The following SCLT1 variants were observed in gnomAD, a reference collection of about 807,000 sequenced individuals.
SCLT1 encodes the protein sodium channel and clathrin linker 1, also known as sodium channel-associated protein 1.
In SCLT1, 78 loss-of-function variants were observed where a neutral mutation model predicts 112.8. The observed-to-expected ratio is 0.69, with a 90% CI of 0.58 to 0.83. The LOEUF (loss-of-function observed/expected upper bound fraction) is 0.83, where lower values mean the gene tolerates loss of function less well. Among genes scored for constraint, SCLT1 ranks in the 40% least tolerant of loss-of-function variants. SCLT1 has a pLI of 0.00. For synonymous variants in SCLT1, 257 were observed against 254.7 expected, an observed-to-expected ratio of 1.01 and a Z score of -0.09; for missense variants, 747 against 770.4, an observed-to-expected ratio of 0.97 and a Z score of 0.36.
chr4:128,959,826 G>C, intron 11 of SCLT1, 49 bp from the exon 12 acceptor site: 1 of 1,451,744 alleles, frequency 6.9e-7, no homozygotes, highest in Non-Finnish European at 9.6e-7. Context: ...TTAAAGGGAA[G>C]GAGGGAGATT....
At chr4:129,043,323 A>G in intron 4 of SCLT1, 72 bp downstream of exon 4, 1 of 788,612 alleles carries the variant, frequency 1.3e-6, no homozygotes, top group Non-Finnish European at 2.1e-6. Flanking sequence ...TCTTTTTAAA[A>G]AGAGGGAGTC....
intron 18 of SCLT1, among the ~76,000 whole-genome samples, chr4:128,896,814 C>A (rs551672294): frequency 2.0e-5 from 3 of 152,228 alleles, no homozygotes; most frequent in South Asian, 4.2e-4. Context: ...ATAACGAATG[C>A]AGAGAAGTCC....
At chr4:129,001,409 A>C (rs1743472227) in intron 6 of SCLT1, among the ~76,000 whole-genome samples, 1 of 152,054 alleles carries the variant, frequency 6.6e-6, no homozygotes. Flanking sequence ...ACACTATATA[A>C]TTTTTAAAAA....
chr4:128,907,266 T>C (rs936608857), intron 18 of SCLT1, among the ~76,000 whole-genome samples: 5 of 152,244 alleles, frequency 3.3e-5, no homozygotes, highest in Non-Finnish European at 7.4e-5. Context: ...GATTTGAACA[T>C]CAGGAAATCT....
chr4:129,051,953 C>T lies in SCLT1; in HGVS notation c.103-7902G>A, dbSNP rs138721124. Among the ~76,000 whole-genome samples the T allele has an allele frequency of 6.8e-4, 103 of 152,154 alleles. No homozygotes were observed. In the East Asian group the frequency reaches 0.015, roughly 22 times the overall value. On this transcript the variant is annotated intron_variant, in intron 2 of 20. Coordinates refer to ENST00000281142, the MANE Select transcript of SCLT1 (RefSeq NM_144643.4). ...AGCATGGAGGCCTGTTGAATTTTGT[C>T]GAAGGCTTTTTTTTGCATCTATTGA...
chr4:129,044,986 G>A (rs909970164), intron 2 of SCLT1, among the ~76,000 whole-genome samples: 2 of 151,866 alleles, frequency 1.3e-5, no homozygotes, highest in Non-Finnish European at 2.9e-5. Context: ...AGCATTTATA[G>A]GTATGTGGTA....
intron 18 of SCLT1, among the ~76,000 whole-genome samples, chr4:128,909,921 C>A (rs2125945202): frequency 6.6e-6 from 1 of 152,208 alleles, no homozygotes; most frequent in Admixed American, 6.5e-5. Flanking sequence ...TAGGCAGGGC[C>A]AGTATACTTA....
In SCLT1 at chr4:129,017,664, T is replaced by C. The variant is rs764657983; in HGVS notation, c.291-13788A>G. Among the ~76,000 whole-genome samples the C allele has an allele frequency of 2.0e-4, 30 of 152,144 alleles. 1 individual carries two copies. Among genetic ancestry groups the C allele is most frequent in the Non-Finnish European group, 3.4e-4 (23 of 67,994 alleles). On this transcript the variant is annotated intron_variant, in intron 5 of 20. Coordinates refer to ENST00000281142, the MANE Select transcript of SCLT1 (RefSeq NM_144643.4). ...TTGGTTCCAGTTGTATTTATTAAAA[T>C]ACATAAGCAAGTCAAAATGTAAGAG...
chr4:128,941,262 C>T (rs1035460179), intron 17 of SCLT1, among the ~76,000 whole-genome samples: 5 of 152,020 alleles, frequency 3.3e-5, no homozygotes, highest in Admixed American at 6.6e-5. Flanking sequence ...AAAGATAATG[C>T]TACATTCCCA....
chr4:129,027,923 A>C (rs1316103947), intron 5 of SCLT1, among the ~76,000 whole-genome samples: 1 of 152,192 alleles, frequency 6.6e-6, no homozygotes, highest in Non-Finnish European at 1.5e-5. Context: ...ACTCCCATTC[A>C]CAATTGCTTC....
rs752202720 is a variant in SCLT1, at chr4:128,943,021, T to C, written c.1607A>G (p.Glu536Gly). 7 of 1,611,214 alleles carry C rather than the reference T, an allele frequency of 4.3e-6. No individual in the cohort carries two copies. The highest frequency in any genetic ancestry group is 5.9e-6 in the Non-Finnish European group (7 of 1,178,840). ...ETESLRKIAL[E>G]AQKKAKVKIS... ...CTTTACTTTGGCTTTTTTTTGAGCC[T>C]CCAGGGCAATCTTCCTTAAACTCTC... The change falls in exon 17 of 21, where the codon GAG becomes GGG. Residue 536 changes from glutamate to glycine, a missense_variant. By Grantham distance (98) the Glu-to-Gly change is moderately conservative (BLOSUM62 -2). Around this residue, in one of 2 missense-constraint regions of SCLT1, gnomAD observed 723 missense variants for 721.3 expected, o/e 1.00. Transcript: ENST00000281142.
At chr4:129,026,463 T>A (rs1317099844) in intron 5 of SCLT1, among the ~76,000 whole-genome samples, 1 of 151,804 alleles carries the variant, frequency 6.6e-6, no homozygotes, top group South Asian at 2.1e-4. Context: ...GGGTAAATAA[T>A]GAAATGAAGG....
intron 2 of SCLT1, among the ~76,000 whole-genome samples, chr4:129,070,914 C>T (rs2125752903): frequency 6.6e-6 from 1 of 152,210 alleles, no homozygotes; most frequent in Admixed American, 6.6e-5. Flanking sequence ...GTGTTTAGAG[C>T]TATGAACTTT....
At position 128,954,882 on chromosome 4, in the gene SCLT1, G is replaced by C. The variant is rs116608729; in HGVS notation, c.1147-2042C>G. On this transcript the variant is annotated intron_variant, in intron 13 of 20. Transcript: ENST00000281142. The stretch of plus-strand genomic sequence containing the variant: ...ATGTTCCTATAACATAAAAATTTTG[G>C]TTCTTATAAGCCTGTCATGTCTGTC... Among the ~76,000 whole-genome samples, 1,034 of 152,176 alleles carry C rather than the reference G, an allele frequency of 6.8e-3. 8 individuals are homozygous for C. The highest frequency in any genetic ancestry group is 0.011 in the Non-Finnish European group (722 of 67,992).
intron 2 of SCLT1, among the ~76,000 whole-genome samples, chr4:129,065,754 G>A (rs1750426203): frequency 6.6e-6 from 1 of 152,096 alleles, no homozygotes; most frequent in Non-Finnish European, 1.5e-5. Context: ...TATCCTGCAA[G>A]AGTGTACTAA....
At chr4:128,895,758 G>T (rs2125928104) in intron 18 of SCLT1, among the ~76,000 whole-genome samples, 1 of 152,350 alleles carries the variant, frequency 6.6e-6, no homozygotes, top group Non-Finnish European at 1.5e-5. Flanking sequence ...CCTGGGAAGT[G>T]CAAGGGGTCA....
intron 18 of SCLT1, among the ~76,000 whole-genome samples, chr4:128,897,785 C>G (rs1456688517): frequency 1.1e-4 from 16 of 152,222 alleles, no homozygotes; most frequent in East Asian, 5.8e-4. Context: ...CCCATCTCAC[C>G]TGCAGAGACA....
intron 18 of SCLT1, among the ~76,000 whole-genome samples, chr4:128,892,858 T>C (rs1733434117): frequency 6.6e-6 from 1 of 152,154 alleles, no homozygotes; most frequent in Non-Finnish European, 1.5e-5. Context: ...AACCAAAATA[T>C]ATTGTTTTAG....
intron 9 of SCLT1, among the ~76,000 whole-genome samples, chr4:128,987,916 A>G (rs1742241326): frequency 6.6e-6 from 1 of 152,162 alleles, no homozygotes; most frequent in African/African-American, 2.4e-5. Flanking sequence ...GTCAAGGATA[A>G]AGGATCTTAA....
Sources: gnomAD v4.1 joint callset for allele counts (sites outside exome capture counted in the v4.1 genomes callset) on GRCh38, gnomAD v4.1.1 for gene constraint, gnomAD v4.1.1 regional missense constraint, MANE v1.5 for transcripts, NCBI Gene and HGNC (gene_info 2026-07-23, HGNC 2026-07-21) for gene names.